KIFAP3: variants seen among roughly 807,000 people sequenced by gnomAD.
The protein encoded by KIFAP3 is kinesin-associated protein 3.
In KIFAP3, 68 loss-of-function variants were observed where a neutral mutation model predicts 106.5. The ratio of observed to expected loss-of-function variants is 0.64; its 90% CI spans 0.53 to 0.78. KIFAP3 has a LOEUF of 0.78. Among genes scored for constraint, KIFAP3 ranks in the 30% least tolerant of loss-of-function variants. The pLI, the probability that KIFAP3 is intolerant of heterozygous loss-of-function variation, is 0.00. For synonymous variants in KIFAP3, 320 were observed against 311.5 expected, an observed-to-expected ratio of 1.03 and a Z score of -0.29; for missense variants, 780 against 941.8, an observed-to-expected ratio of 0.83 and a Z score of 2.25.
In KIFAP3 at chr1:169,938,233, G is replaced by T. The variant is rs1487776259; in HGVS notation, c.2273+15778C>A. On this transcript the variant is annotated intron_variant, in intron 19 of 19. Transcript: ENST00000361580. ...TAGTAGTATAATACAAGTACACTACGAATCCCTTAACTGGATCTTAATTAT... is the reference window on the plus strand; with the variant it reads ...TAGTAGTATAATACAAGTACACTACTAATCCCTTAACTGGATCTTAATTAT... Among the ~76,000 whole-genome samples the T allele has an allele frequency of 1.3e-5, 2 of 151,964 alleles. 1 individual carries two copies. Among genetic ancestry groups the T allele is most frequent in the South Asian group, 4.1e-4 (2 of 4,822 alleles).
At position 170,034,671 on chromosome 1, in the gene KIFAP3, A is replaced by T. The variant is rs532472448; in HGVS notation, c.618-175T>A. ...AGACTTGCGATTATAAAATTACTTT[A>T]AATATATCACACTACTCTTACCTAA... On this transcript the variant is annotated intron_variant, in intron 6 of 19. Coordinates refer to ENST00000361580, the MANE Select transcript of KIFAP3 (RefSeq NM_014970.4). Among the ~76,000 whole-genome samples the T allele has an allele frequency of 3.3e-5, 5 of 152,040 alleles. No individual in the cohort carries two copies. In the East Asian group the frequency reaches 9.6e-4, roughly 29 times the overall value.
chr1:169,988,068 A>G (rs1223533482), intron 11 of KIFAP3, among the ~76,000 whole-genome samples: 1 of 152,112 alleles, frequency 6.6e-6, no homozygotes, highest in African/African-American at 2.4e-5. Flanking sequence ...AAATTAGAAT[A>G]CATTGGATAA....
upstream of KIFAP3, among the ~76,000 whole-genome samples, chr1:170,075,564 T>A (rs879716324): frequency 6.6e-5 from 10 of 152,246 alleles, no homozygotes; most frequent in Non-Finnish European, 1.3e-4. Context: ...CAATTATTGA[T>A]TATCCGTTAT....
upstream of KIFAP3, among the ~76,000 whole-genome samples, chr1:170,075,363 A>G (rs1235173082): frequency 6.6e-6 from 1 of 152,178 alleles, no homozygotes. Context: ...TTATTTGGTA[A>G]ATGTGAATTG....
Position 170,015,336 on chromosome 1 carries a change from T to C in KIFAP3, c.1183+1126A>G, listed in dbSNP as rs554705922. Reference sequence around the variant, plus strand: ...ACACATAATTATGTCAGATTTATAATAAGTGAAAGGTCACATGATTTAAAT... The same window carrying C: ...ACACATAATTATGTCAGATTTATAACAAGTGAAAGGTCACATGATTTAAAT... On this transcript the variant is annotated intron_variant, in intron 10 of 19. Coordinates refer to ENST00000361580, the MANE Select transcript of KIFAP3 (RefSeq NM_014970.4). 2.4e-4 allele frequency among the ~76,000 whole-genome samples: 36 copies of C among 152,300 alleles called. 2 individuals are homozygous for C. In the South Asian group the frequency reaches 7.5e-3, roughly 32 times the overall value.
intron 6 of KIFAP3, 90 bp downstream of exon 6, chr1:170,035,364 A>G: frequency 1.4e-6 from 1 of 707,542 alleles, no homozygotes; most frequent in East Asian, 3.0e-5. Flanking sequence ...AAAAACTGAG[A>G]GAACAAGTGA....
In KIFAP3 at chr1:169,982,116, A is replaced by G. The variant is rs1350501002; in HGVS notation, c.1673-19T>C. ...GCAGCACCTAGTGAAGTCAAACCAT[A>G]GAAAGTTTTCACTGAAATGTCCTGA... is the stretch of plus-strand genomic sequence containing the variant. On this transcript the variant is annotated intron_variant, in intron 14 of 19. Coordinates refer to ENST00000361580, the MANE Select transcript of KIFAP3 (RefSeq NM_014970.4). The G allele has an allele frequency of 6.2e-7, 1 of 1,609,474 alleles. No individual in the cohort carries two copies. Among genetic ancestry groups the G allele is most frequent in the East Asian group, 2.2e-5 (1 of 44,806 alleles).
At chr1:169,991,408 A>C (rs11806707) in intron 11 of KIFAP3, among the ~76,000 whole-genome samples, 3,497 of 152,174 alleles carry the variant, frequency 0.023, 59 homozygotes, top group South Asian at 0.051. Flanking sequence ...CTGTAACAGA[A>C]TATGGATAAT....
chr1:170,025,566 A>G (rs528223651), intron 8 of KIFAP3, among the ~76,000 whole-genome samples: 1 of 152,152 alleles, frequency 6.6e-6, no homozygotes, highest in South Asian at 2.1e-4. Context: ...TTAAGTACCT[A>G]TTGTATGCCA....
intron 11 of KIFAP3, among the ~76,000 whole-genome samples, chr1:169,985,163 T>C (rs1666754633): frequency 6.6e-6 from 1 of 151,834 alleles, no homozygotes; most frequent in African/African-American, 2.4e-5. Context: ...GTTAAAGATT[T>C]TGGCCTTCGT....
chr1:169,981,270 A>G (rs1013122130), intron 15 of KIFAP3, among the ~76,000 whole-genome samples: 15 of 152,186 alleles, frequency 9.9e-5, no homozygotes, highest in African/African-American at 2.9e-4. Context: ...TAAATTATGC[A>G]CAATTCTGAA....
Position 169,982,089 on chromosome 1 carries a change from C to T in KIFAP3, c.1681G>A (p.Glu561Lys). The T allele has an allele frequency of 1.2e-6, 2 of 1,613,292 alleles. No homozygotes were observed. The highest frequency in any genetic ancestry group is 1.7e-6 in the Non-Finnish European group (2 of 1,179,594). ...ACCACTTCTAAAACAAGATCATCTTCTGCAGCACCTAGTGAAGTCAAACCA... is the reference window on the plus strand; with the variant it reads ...ACCACTTCTAAAACAAGATCATCTTTTGCAGCACCTAGTGAAGTCAAACCA... ...LKDKLKPGAAEDDLVLEVVIM... is the reference protein window; with the variant it reads ...LKDKLKPGAAKDDLVLEVVIM... Residue 561 changes from glutamate (E) to lysine (K), a missense_variant, in exon 15 of 20, where the codon GAA (glutamate) becomes AAA (lysine). Coordinates refer to ENST00000361580, the MANE Select transcript of KIFAP3 (RefSeq NM_014970.4).
chr1:170,016,230 G>C (rs1253956883), intron 10 of KIFAP3, among the ~76,000 whole-genome samples: 1 of 151,824 alleles, frequency 6.6e-6, no homozygotes, highest in African/African-American at 2.4e-5. Context: ...GCTTAGTATG[G>C]ATAAATGAAG....
chr1:169,978,176 T>C lies in KIFAP3; in HGVS notation c.1806A>G (p.Gln602=). ...TCTGACACACAAATTCATCATCTTC[T>C]TGTTGAGCTGTAAATAAACAAAAAA... ...PALIELLNAQ[Q]EDDEFVCQII... is the part of the protein sequence containing the mutation. The change falls in exon 16 of 20, where the codon CAA becomes CAG. Residue 602 remains glutamine, a synonymous_variant. Transcript: ENST00000361580. 1 of 1,608,528 alleles carries C rather than the reference T, an allele frequency of 6.2e-7. No homozygotes were observed.
intron 8 of KIFAP3, among the ~76,000 whole-genome samples, chr1:170,026,784 A>C (rs925659956): frequency 2.6e-5 from 4 of 152,168 alleles, no homozygotes; most frequent in African/African-American, 4.8e-5. Flanking sequence ...GCAATCCCAT[A>C]ATTCATGCAT....
intron 19 of KIFAP3, among the ~76,000 whole-genome samples, chr1:169,930,749 T>G (rs1663417289): frequency 6.6e-6 from 1 of 152,078 alleles, no homozygotes; most frequent in South Asian, 2.1e-4. Flanking sequence ...CCGGTTGGTG[T>G]TTTTTTGTCA....
At chr1:169,975,789 T>C (rs1406927499) in intron 16 of KIFAP3, among the ~76,000 whole-genome samples, 1 of 152,112 alleles carries the variant, frequency 6.6e-6, no homozygotes, top group Non-Finnish European at 1.5e-5. Context: ...TTAGAAAACA[T>C]TTCTGAGTTT....
At chr1:169,937,462 T>G (rs2101801221) in intron 19 of KIFAP3, among the ~76,000 whole-genome samples, 1 of 151,954 alleles carries the variant, frequency 6.6e-6, no homozygotes, top group Non-Finnish European at 1.5e-5. Flanking sequence ...ATTTATTGAC[T>G]ACTAACAGAC....
chr1:169,952,870 A>T (rs1664800024), intron 19 of KIFAP3, among the ~76,000 whole-genome samples: 1 of 152,190 alleles, frequency 6.6e-6, no homozygotes. Context: ...AAATTAAAAT[A>T]ACGCTACAAG....
Sources: gnomAD v4.1 joint callset for allele counts (sites outside exome capture counted in the v4.1 genomes callset) on GRCh38, gnomAD v4.1.1 for gene constraint, MANE v1.5 for transcripts, NCBI Gene and HGNC (gene_info 2026-07-23, HGNC 2026-07-21) for gene names.